PLA2R1: variants seen among roughly 807,000 people sequenced by gnomAD.
The protein encoded by PLA2R1 is phospholipase A2 receptor 1.
Under a neutral mutation model 195.9 loss-of-function variants are expected in PLA2R1, and 158 were observed. The ratio of observed to expected loss-of-function variants is 0.81; its 90% CI spans 0.71 to 0.92. PLA2R1 has a LOEUF of 0.92. Ranked by LOEUF, PLA2R1 falls within the 40% of genes least tolerant of loss-of-function variation. PLA2R1 has a pLI of 0.00. For missense variants in PLA2R1, 1,626 were observed against 1,764.6 expected, an observed-to-expected ratio of 0.92 and a Z score of 1.41; for synonymous variants, 586 against 598.2, an observed-to-expected ratio of 0.98 and a Z score of 0.30.
chr2:160,044,323 G>A (rs1028523584), intron 2 of PLA2R1, among the ~76,000 whole-genome samples: 1 of 152,130 alleles, frequency 6.6e-6, no homozygotes, highest in Non-Finnish European at 1.5e-5. Context: ...AGCATCAGGA[G>A]GCATTGGAGG....
intron 7 of PLA2R1, among the ~76,000 whole-genome samples, chr2:160,022,061 T>C (rs1359768749): frequency 6.6e-6 from 1 of 152,220 alleles, no homozygotes; most frequent in African/African-American, 2.4e-5. Flanking sequence ...AAGGAGATCC[T>C]GGACATTTTT....
chr2:160,003,867 C>T lies in PLA2R1; in HGVS notation c.1834+1785G>A, dbSNP rs545016581. ...GTCATGGCAAAGCAAATTATGAGTC[C>T]TACATACTATGAAATTCTATGTAGC... On this transcript the variant is annotated intron_variant, in intron 11 of 29. Transcript: ENST00000283243. 6.6e-5 allele frequency among the ~76,000 whole-genome samples: 10 copies of T among 152,224 alleles called. No individual in the cohort carries two copies. The South Asian group carries it at 2.1e-3, about 32-fold the overall frequency.
chr2:160,007,097 G>T (rs760153755), intron 10 of PLA2R1, among the ~76,000 whole-genome samples: 1 of 152,156 alleles, frequency 6.6e-6, no homozygotes, highest in East Asian at 1.9e-4. Context: ...TTTGAAACAA[G>T]AAAAGTTCTT....
chr2:160,022,019 A>C (rs1328501295), intron 7 of PLA2R1, among the ~76,000 whole-genome samples: 1 of 152,216 alleles, frequency 6.6e-6, no homozygotes, highest in Admixed American at 6.5e-5. Context: ...TTTTTACTCC[A>C]AACTAAAATG....
chr2:159,969,522 C>T (rs1311907943), intron 18 of PLA2R1, among the ~76,000 whole-genome samples, 163 bp from the exon 19 acceptor site: 1 of 152,016 alleles, frequency 6.6e-6, no homozygotes, highest in Non-Finnish European at 1.5e-5. Context: ...AATATTGTAT[C>T]ATATACTTAA....
At chr2:160,039,861 T>C (rs1406368332) in intron 3 of PLA2R1, among the ~76,000 whole-genome samples, 4 of 151,870 alleles carry the variant, frequency 2.6e-5, no homozygotes, top group South Asian at 2.1e-4. Flanking sequence ...GGAGCACCAC[T>C]GAACCCAGGC....
intron 1 of PLA2R1, among the ~76,000 whole-genome samples, chr2:160,052,847 C>T (rs933907383): frequency 6.6e-6 from 1 of 152,186 alleles, no homozygotes; most frequent in Admixed American, 6.5e-5. Context: ...AATGAGCTAT[C>T]CATCTTAGCC....
Position 159,945,042 on chromosome 2 carries a change from C to G in PLA2R1, c.4008G>C (p.Gln1336His), listed in dbSNP as rs78872936. ...CTGGCTTCCGAATGCCCCAGTTTGA[C>G]TGGTCTGTGGGAGTTCCATCAAACC... ...IKWFDGTPTD[Q>H]SNWGIRKPDT... Residue 1336 changes from glutamine (Q) to histidine (H), a missense_variant, in exon 28 of 30, where the codon CAG (glutamine) becomes CAC (histidine). Physicochemically the swap from Gln to His is conservative, Grantham distance 24. Coordinates refer to ENST00000283243, the MANE Select transcript of PLA2R1 (RefSeq NM_007366.5). 16 of 1,613,770 alleles carry G rather than the reference C, an allele frequency of 9.9e-6. No homozygotes were observed. The East Asian group carries it at 3.6e-4, about 36-fold the overall frequency.
the PLA2R1 span, among the ~76,000 whole-genome samples, chr2:159,924,730 G>GGA: frequency 9.7e-5 from 2 of 20,666 alleles, no homozygotes; most frequent in East Asian, 0.029. Flanking sequence ...TCTGGGGGCT[G>GGA]GGGGGGGGGC....
chr2:160,027,755 C>T (rs968717016), intron 6 of PLA2R1, among the ~76,000 whole-genome samples: 3 of 152,154 alleles, frequency 2.0e-5, no homozygotes, highest in Non-Finnish European at 2.9e-5. Context: ...TAAGTATTAA[C>T]TCCATCTAAA....
intron 3 of PLA2R1, among the ~76,000 whole-genome samples, chr2:160,033,651 A>C (rs1693989908): frequency 6.6e-6 from 1 of 152,226 alleles, no homozygotes; most frequent in Admixed American, 6.5e-5. Flanking sequence ...TAGTTTAAGA[A>C]AGTTCTTTCA....
chr2:160,001,961 T>G (rs1054067508), intron 11 of PLA2R1, among the ~76,000 whole-genome samples: 2 of 151,020 alleles, frequency 1.3e-5, no homozygotes, highest in South Asian at 2.1e-4. Flanking sequence ...ACATAATCTG[T>G]TGACATAGAT....
chr2:160,042,914 C>G (rs1156337917), intron 2 of PLA2R1, among the ~76,000 whole-genome samples: 1 of 150,146 alleles, frequency 6.7e-6, no homozygotes, highest in Non-Finnish European at 1.5e-5. Flanking sequence ...TGGAGGGGCA[C>G]AGGGCACTAC....
intron 28 of PLA2R1, among the ~76,000 whole-genome samples, chr2:159,943,511 C>T (rs150916417): frequency 6.9e-4 from 105 of 152,134 alleles, no homozygotes; most frequent in Non-Finnish European, 1.1e-3. Flanking sequence ...AGTGTTTGTT[C>T]TCAGGATAGA....
At chr2:160,010,819 T>C (rs1211550590) in intron 10 of PLA2R1, among the ~76,000 whole-genome samples, 4 of 152,222 alleles carry the variant, frequency 2.6e-5, no homozygotes, top group African/African-American at 9.7e-5. Flanking sequence ...CTTTCTTTCT[T>C]CAACTCATGA....
intron 3 of PLA2R1, among the ~76,000 whole-genome samples, chr2:160,039,540 G>C (rs1463940721): frequency 6.6e-6 from 1 of 151,906 alleles, no homozygotes; most frequent in African/African-American, 2.4e-5. Flanking sequence ...ACATAAGAAG[G>C]ATGAGATACA....
At chr2:160,012,703 A>C (rs1573892346) in intron 10 of PLA2R1, among the ~76,000 whole-genome samples, 1 of 152,278 alleles carries the variant, frequency 6.6e-6, no homozygotes, top group East Asian at 1.9e-4. Flanking sequence ...ACTTGAGGTC[A>C]GGAGTTCAGA....
chr2:160,038,193 A>C (rs1437936974), intron 3 of PLA2R1, among the ~76,000 whole-genome samples: 4 of 152,224 alleles, frequency 2.6e-5, no homozygotes. Flanking sequence ...AGGCAGAAAT[A>C]GGGATGAAAG....
intron 6 of PLA2R1, among the ~76,000 whole-genome samples, chr2:160,025,869 G>T (rs1432183471): frequency 6.6e-6 from 1 of 152,144 alleles, no homozygotes; most frequent in East Asian, 1.9e-4. Context: ...AGGAGTCAAC[G>T]AGAGAAAATG....
Sources: gnomAD v4.1 joint callset for allele counts (sites outside exome capture counted in the v4.1 genomes callset) on GRCh38, gnomAD v4.1.1 for gene constraint, MANE v1.5 for transcripts, NCBI Gene and HGNC (gene_info 2026-07-23, HGNC 2026-07-21) for gene names.